Variants in M1AP observed in about 807,000 individuals in gnomAD.
The protein encoded by M1AP is meiosis 1 associated protein.
A neutral mutation model predicts 51.2 loss-of-function variants in M1AP; 39 were observed. The ratio of observed to expected loss-of-function variants is 0.76; its 90% CI spans 0.59 to 1.00. The LOEUF (loss-of-function observed/expected upper bound fraction) is 1.00, where lower values mean the gene tolerates loss of function less well. Ranked by LOEUF, M1AP falls within the 50% of genes least tolerant of loss-of-function variation. M1AP has a pLI of 0.00. For missense variants in M1AP, 545 were observed against 641.2 expected (o/e 0.85, Z 1.62); for synonymous variants, 251 against 249.2 (o/e 1.01, Z -0.07).
chr2:74,586,857 C>T (rs1027004271), intron 4 of M1AP, among the ~76,000 whole-genome samples: 2 of 152,138 alleles, frequency 1.3e-5, no homozygotes, highest in East Asian at 1.9e-4. Flanking sequence ...AAAAAATTAG[C>T]CAGGTGTGGT....
intron 3 of M1AP, among the ~76,000 whole-genome samples, chr2:74,610,320 TTTGA>T (rs1356449408): frequency 6.6e-6 from 1 of 152,072 alleles, no homozygotes; most frequent in Non-Finnish European, 1.5e-5. Context: ...ACTTCAATCT[TTTGA>T]TTGTTTCCTT....
Position 74,626,126 on chromosome 2 carries a change from C to T in M1AP, c.241-10977G>A, listed in dbSNP as rs549212189. Among the ~76,000 whole-genome samples, 41 of 152,286 alleles carry T rather than the reference C, an allele frequency of 2.7e-4. 2 individuals are homozygous for T. In the South Asian group the frequency reaches 8.5e-3, roughly 32 times the overall value. ...TGCAATTTGGTGTGAACCCCAGCCTCGGGAAGGGAGTCCCCCTTTCAAGTT... is the reference window on the plus strand; with the variant it reads ...TGCAATTTGGTGTGAACCCCAGCCTTGGGAAGGGAGTCCCCCTTTCAAGTT... On this transcript the variant is annotated intron_variant, in intron 2 of 10. Transcript: ENST00000421985.
chr2:74,584,587 G>T (rs72907284), intron 4 of M1AP, among the ~76,000 whole-genome samples: 2,371 of 151,606 alleles, frequency 0.016, 66 homozygotes, highest in African/African-American at 0.054. Flanking sequence ...CCAGGGAAAG[G>T]GTGGATGATG....
chr2:74,581,550 C>T, intron 5 of M1AP, 124 bp downstream of exon 5: 2 of 884,204 alleles, frequency 2.3e-6, no homozygotes, highest in Non-Finnish European at 3.5e-6. Flanking sequence ...TGGACAGCCT[C>T]ATCCAACCCT....
intron 2 of M1AP, among the ~76,000 whole-genome samples, chr2:74,624,159 A>G (rs1682241948): frequency 6.6e-6 from 1 of 152,256 alleles, no homozygotes; most frequent in South Asian, 2.1e-4. Flanking sequence ...GTGCTAGATC[A>G]GCATAAGCCA....
At chr2:74,566,912 T>G (rs1678430227) in intron 7 of M1AP, among the ~76,000 whole-genome samples, 1 of 152,210 alleles carries the variant, frequency 6.6e-6, no homozygotes, top group East Asian at 1.9e-4. Context: ...GGAATGTGTC[T>G]CCAGAGACTC....
intron 4 of M1AP, among the ~76,000 whole-genome samples, chr2:74,604,368 T>C (rs1680846641): frequency 6.6e-6 from 1 of 152,218 alleles, no homozygotes; most frequent in South Asian, 2.1e-4. Flanking sequence ...CGGGCTGGTT[T>C]CATGGAAGAC....
At position 74,648,279 on chromosome 2, in the gene M1AP, C is replaced by T. The variant is rs749090008; in HGVS notation, c.-67G>A. 6 of 985,342 alleles carry T rather than the reference C, an allele frequency of 6.1e-6. No homozygotes were observed. Among genetic ancestry groups the T allele is most frequent in the Non-Finnish European group, 7.2e-6 (6 of 829,836 alleles). The allele number at this position is 985,342 out of a possible 1,614,324, so 61.0% of individuals were successfully genotyped here. A position where few individuals can be genotyped will look rare whatever the true frequency, so the allele number is the denominator to read the frequency against. ...GAGAACCGTACCTGTCTTCGGAAGACGGAGGCCCCCTCACCTGGTCCTCCC... is the reference window on the plus strand; with the variant it reads ...GAGAACCGTACCTGTCTTCGGAAGATGGAGGCCCCCTCACCTGGTCCTCCC... On this transcript the variant is annotated 5_prime_UTR_variant, in exon 1 of 11. Transcript: ENST00000421985.
At chr2:74,637,409 G>A (rs1683047786) in intron 2 of M1AP, among the ~76,000 whole-genome samples, 1 of 151,766 alleles carries the variant, frequency 6.6e-6, no homozygotes, top group African/African-American at 2.4e-5. Context: ...GTCACTTCTG[G>A]GTCAGTTTTA....
chr2:74,621,624 AAAT>A (rs959212994), intron 2 of M1AP, among the ~76,000 whole-genome samples: 5 of 151,248 alleles, frequency 3.3e-5, no homozygotes, highest in Non-Finnish European at 7.4e-5. Flanking sequence ...TCTCTACAAA[AAAT>A]AATAATAATA....
At chr2:74,622,302 C>G (rs559804902) in intron 2 of M1AP, among the ~76,000 whole-genome samples, 77 of 151,976 alleles carry the variant, frequency 5.1e-4, no homozygotes, top group African/African-American at 1.7e-3. Context: ...TGCAGTGGCA[C>G]GATCTTGGCT....
At chr2:74,574,647 T>C (rs539768055) in intron 7 of M1AP, among the ~76,000 whole-genome samples, 1 of 152,352 alleles carries the variant, frequency 6.6e-6, no homozygotes, top group South Asian at 2.1e-4. Flanking sequence ...ATGATTTGTT[T>C]CCCTAAGTCC....
chr2:74,590,472 T>C (rs916453894), intron 4 of M1AP, among the ~76,000 whole-genome samples: 1 of 152,174 alleles, frequency 6.6e-6, no homozygotes, highest in Non-Finnish European at 1.5e-5. Flanking sequence ...ATTCAGACCA[T>C]AGCAGACTCC....
chr2:74,628,910 T>A (rs1049715614), intron 2 of M1AP: 5 of 404,202 alleles, frequency 1.2e-5, no homozygotes, highest in African/African-American at 1.0e-4. Context: ...GTGAAACATC[T>A]GCAGTGTCAT....
intron 4 of M1AP, among the ~76,000 whole-genome samples, chr2:74,605,086 A>C (rs1680892598): frequency 6.6e-6 from 1 of 152,184 alleles, no homozygotes. Flanking sequence ...AAATAAAAAA[A>C]CAAACAAACA....
intron 8 of M1AP, among the ~76,000 whole-genome samples, chr2:74,561,169 A>AAGG (rs1558643768): frequency 3.8e-5 from 1 of 26,546 alleles, no homozygotes; most frequent in Non-Finnish European, 1.0e-4. Flanking sequence ...GGAGGAGGAG[A>AAGG]AGGAGGAGGA....
chr2:74,626,996 G>C (rs1349719031), intron 2 of M1AP, among the ~76,000 whole-genome samples: 2 of 152,124 alleles, frequency 1.3e-5, no homozygotes, highest in Non-Finnish European at 2.9e-5. Context: ...TCTCCTGTTG[G>C]AAATTTTATA....
intron 2 of M1AP, among the ~76,000 whole-genome samples, chr2:74,623,698 G>T (rs528065909): frequency 3.8e-4 from 58 of 152,110 alleles, no homozygotes; most frequent in African/African-American, 1.4e-3. Context: ...TTGAGACAGG[G>T]TCTCGCTCTG....
intron 1 of M1AP, among the ~76,000 whole-genome samples, chr2:74,640,981 A>G (rs1683265389): frequency 6.6e-6 from 1 of 152,238 alleles, no homozygotes; most frequent in African/African-American, 2.4e-5. Flanking sequence ...ACTATATTGT[A>G]AGCTTCCCAA....
Sources: gnomAD v4.1 joint callset for allele counts (sites outside exome capture counted in the v4.1 genomes callset) on GRCh38, gnomAD v4.1.1 for gene constraint, MANE v1.5 for transcripts, NCBI Gene and HGNC (gene_info 2026-07-23, HGNC 2026-07-21) for gene names.